Variants in KIF6 observed in about 807,000 individuals in gnomAD.
KIF6 encodes kinesin-like protein KIF6.
In KIF6, 106 loss-of-function variants were observed where a neutral mutation model predicts 112.7. The observed-to-expected ratio is 0.94, with a 90% CI of 0.80 to 1.11. The LOEUF (loss-of-function observed/expected upper bound fraction) is 1.11, where lower values mean the gene tolerates loss of function less well. Among genes scored for constraint, KIF6 ranks in the 50% least tolerant of loss-of-function variants. The pLI, the probability that KIF6 is intolerant of heterozygous loss-of-function variation, is 0.00. For synonymous variants in KIF6, 339 were observed against 339.9 expected, an observed-to-expected ratio of 1.00 and a Z score of 0.03; for missense variants, 929 against 964.0, an observed-to-expected ratio of 0.96 and a Z score of 0.48.
chr6:39,465,699 T>C (rs1309482495), intron 13 of KIF6, among the ~76,000 whole-genome samples: 1 of 152,228 alleles, frequency 6.6e-6, no homozygotes, highest in Non-Finnish European at 1.5e-5. Context: ...CCCAGTCTTG[T>C]GTATTTAACA....
intron 16 of KIF6, among the ~76,000 whole-genome samples, chr6:39,373,675 A>T (rs1479366272): frequency 6.6e-6 from 1 of 152,210 alleles, no homozygotes; most frequent in Non-Finnish European, 1.5e-5. Flanking sequence ...GTGTAAATTT[A>T]ACTAAGGAGG....
chr6:39,577,243 C>T (rs140260739), intron 10 of KIF6, among the ~76,000 whole-genome samples: 8 of 152,328 alleles, frequency 5.3e-5, no homozygotes, highest in African/African-American at 1.7e-4. Context: ...TTAGACCTAC[C>T]TCAGGGGCAG....
intron 13 of KIF6, among the ~76,000 whole-genome samples, chr6:39,465,414 C>T (rs1378964876): frequency 6.6e-6 from 1 of 152,148 alleles, no homozygotes; most frequent in African/African-American, 2.4e-5. Flanking sequence ...TGGACTCCTC[C>T]CTTCTCTTCA....
At chr6:39,581,410 C>A (rs1227212207) in intron 9 of KIF6, among the ~76,000 whole-genome samples, 1 of 151,936 alleles carries the variant, frequency 6.6e-6, no homozygotes, top group Non-Finnish European at 1.5e-5. Context: ...ACCCACTCGG[C>A]CTCCCAAAGT....
chr6:39,438,978 G>A (rs970548454), intron 13 of KIF6, among the ~76,000 whole-genome samples: 3 of 152,216 alleles, frequency 2.0e-5, no homozygotes, highest in Non-Finnish European at 4.4e-5. Flanking sequence ...GTAACATGCT[G>A]TACAGGTTTG....
At chr6:39,673,791 G>A (rs578035735) in intron 3 of KIF6, among the ~76,000 whole-genome samples, 6 of 152,294 alleles carry the variant, frequency 3.9e-5, no homozygotes, top group African/African-American at 1.4e-4. Context: ...TGAGAAAAGA[G>A]TAAAGGTAAG....
intron 14 of KIF6, among the ~76,000 whole-genome samples, chr6:39,428,581 T>C (rs1310301251): frequency 2.6e-5 from 4 of 152,232 alleles, no homozygotes; most frequent in Non-Finnish European, 4.4e-5. Flanking sequence ...TATTCATTCA[T>C]TCCTTTTTAT....
At chr6:39,418,832 T>C (rs1411415785) in intron 15 of KIF6, among the ~76,000 whole-genome samples, 1 of 151,560 alleles carries the variant, frequency 6.6e-6, no homozygotes, top group Non-Finnish European at 1.5e-5. Context: ...GTTAGAAAAA[T>C]TAAAGGGGGC....
intron 10 of KIF6, among the ~76,000 whole-genome samples, chr6:39,555,912 C>A (rs1779681024): frequency 6.9e-6 from 1 of 144,326 alleles, no homozygotes; most frequent in African/African-American, 2.7e-5. Context: ...CAAGATCACC[C>A]CACTGCACTC....
intron 3 of KIF6, among the ~76,000 whole-genome samples, chr6:39,694,635 G>A (rs1788420021): frequency 6.6e-6 from 1 of 152,108 alleles, no homozygotes; most frequent in Non-Finnish European, 1.5e-5. Flanking sequence ...TCTACAAGAA[G>A]AATGACAAGA....
intron 10 of KIF6, among the ~76,000 whole-genome samples, chr6:39,548,387 A>T (rs1472401084): frequency 6.6e-6 from 1 of 152,224 alleles, no homozygotes; most frequent in Admixed American, 6.5e-5. Flanking sequence ...ATCCAAAGAA[A>T]TGGGCAAGAA....
intron 13 of KIF6, among the ~76,000 whole-genome samples, chr6:39,488,640 G>A (rs372494465): frequency 5.3e-5 from 8 of 152,216 alleles, no homozygotes; most frequent in South Asian, 4.2e-4. Flanking sequence ...ACCTGACATC[G>A]TGCTTGGCAC....
At chr6:39,584,792 C>T (rs1004635705) in intron 9 of KIF6, 106 bp downstream of exon 9, 211 of 653,838 alleles carry the variant, frequency 3.2e-4, no homozygotes, top group Admixed American at 6.3e-4. Context: ...TAATATGTTT[C>T]CACTACTTAG....
At chr6:39,577,744 GTGTT>G (rs1162042827) in intron 10 of KIF6, among the ~76,000 whole-genome samples, 1 of 152,198 alleles carries the variant, frequency 6.6e-6, no homozygotes, top group African/African-American at 2.4e-5. Flanking sequence ...CAGCTCAAGA[GTGTT>G]TGGTGTGTGT....
chr6:39,544,819 G>A (rs1216182214), intron 11 of KIF6, 126 bp from the exon 12 acceptor site: 3 of 492,774 alleles, frequency 6.1e-6, no homozygotes, highest in South Asian at 5.1e-5. Context: ...ATGCAGGTGC[G>A]ATGTCTTTGC....
chr6:39,341,313 C>T (rs1763315737), intron 22 of KIF6, among the ~76,000 whole-genome samples: 2 of 152,224 alleles, frequency 1.3e-5, no homozygotes, highest in East Asian at 1.9e-4. Flanking sequence ...TGGCCCGTCT[C>T]CCCTTGGAGC....
At chr6:39,346,142 T>C (rs1286950217) in intron 20 of KIF6, among the ~76,000 whole-genome samples, 5 of 116,490 alleles carry the variant, frequency 4.3e-5, no homozygotes, top group African/African-American at 9.8e-5. Context: ...CCTCTCTCTC[T>C]CTCTCTCTCT....
At chr6:39,573,764 C>T (rs1188625092) in intron 10 of KIF6, among the ~76,000 whole-genome samples, 1 of 152,110 alleles carries the variant, frequency 6.6e-6, no homozygotes, top group Non-Finnish European at 1.5e-5. Flanking sequence ...TCTGCATTCT[C>T]GTTGTATTTT....
intron 2 of KIF6, among the ~76,000 whole-genome samples, chr6:39,715,427 C>T (rs1439229326): frequency 1.3e-5 from 2 of 151,774 alleles, no homozygotes; most frequent in Non-Finnish European, 2.9e-5. Context: ...TTTCACTCTT[C>T]TTGCAATGCT....
Sources: gnomAD v4.1 joint callset for allele counts (sites outside exome capture counted in the v4.1 genomes callset) on GRCh38, gnomAD v4.1.1 for gene constraint, MANE v1.5 for transcripts, NCBI Gene and HGNC (gene_info 2026-07-23, HGNC 2026-07-21) for gene names.